Variants in SASH1 observed in about 807,000 individuals in gnomAD.
The protein encoded by SASH1 is SAM and SH3 domain containing 1.
In SASH1, 44 loss-of-function variants were observed where a neutral mutation model predicts 125.2. That is an observed-to-expected ratio of 0.35 (90% CI 0.28 to 0.45). The LOEUF is 0.45. Ranked by LOEUF, SASH1 falls within the 20% of genes least tolerant of loss-of-function variation. The pLI is 1.00. For synonymous variants in SASH1, 639 were observed against 649.1 expected (o/e 0.98, Z 0.24); for missense variants, 1,426 against 1,614.5 (o/e 0.88, Z 2.00).
intron 10 of SASH1, 60 bp from the exon 11 acceptor site, chr6:148,525,231 T>C (rs550310244): frequency 4.8e-6 from 6 of 1,243,634 alleles, no homozygotes; most frequent in African/African-American, 1.5e-5. Context: ...GCTGGGTTGG[T>C]GCACTGCCGG....
chr6:148,259,824 A>G, the SASH1 span, among the ~76,000 whole-genome samples: 1 of 152,150 alleles, frequency 6.6e-6, no homozygotes, highest in East Asian at 1.9e-4. Flanking sequence ...TTTAAAACTA[A>G]GGTGATTTTT....
chr6:148,237,183 AT>A, the SASH1 span, among the ~76,000 whole-genome samples: 594 of 146,904 alleles, frequency 4.0e-3, no homozygotes, highest in East Asian at 8.3e-3. Context: ...TTTTATCTGC[AT>A]TTTTTTTTTT....
the SASH1 span, among the ~76,000 whole-genome samples, chr6:148,215,749 A>C: frequency 6.6e-6 from 1 of 152,322 alleles, no homozygotes; most frequent in Admixed American, 6.5e-5. Flanking sequence ...CTGTAAAATC[A>C]GAGTCAACTT....
chr6:148,242,371 C>T, the SASH1 span, among the ~76,000 whole-genome samples: 45 of 152,296 alleles, frequency 3.0e-4, no homozygotes, highest in East Asian at 8.5e-3. Context: ...TGGCAAGGCA[C>T]TTTACGAGAC....
In SASH1 at chr6:148,453,098, G is replaced by A. The variant is rs532255336; in HGVS notation, c.386+12691G>A. On this transcript the variant is annotated intron_variant, in intron 4 of 19. Coordinates refer to ENST00000367467, the MANE Select transcript of SASH1 (RefSeq NM_015278.5). ...TCAGCTGTTCCCAACTGGAAACTCC[G>A]TTGCCCTTCCCTCTGTCTGGCGAGT... is the stretch of plus-strand genomic sequence containing the variant. Among the ~76,000 whole-genome samples the A allele has an allele frequency of 8.5e-5, 13 of 152,272 alleles. No individual in the cohort carries two copies. The South Asian group carries it at 1.0e-3, about 12-fold the overall frequency.
chr6:148,309,127 C>T (rs1027977035), intron 1 of SASH1, among the ~76,000 whole-genome samples: 3 of 150,260 alleles, frequency 2.0e-5, no homozygotes, highest in African/African-American at 7.3e-5. Flanking sequence ...TAAATGGTCC[C>T]ATCAGGAATG....
intron 2 of SASH1, among the ~76,000 whole-genome samples, chr6:148,417,387 C>A (rs1010270354): frequency 6.6e-6 from 1 of 152,048 alleles, no homozygotes; most frequent in Non-Finnish European, 1.5e-5. Context: ...GAGATTGAGA[C>A]CATCCTGGCC....
rs117378888 is a variant in SASH1 at position 148,310,610 on chromosome 6, A to G, written n.74+38233A>G. On this transcript the variant is annotated intron_variant and non_coding_transcript_variant, in intron 1 of 3. Transcript: ENST00000367469. ...TGAGAAGGCAACCACACACTGAGAGAAAATATTTGCAAAGTATGTATTTGA... is the reference window on the plus strand; with the variant it reads ...TGAGAAGGCAACCACACACTGAGAGGAAATATTTGCAAAGTATGTATTTGA... 4.6e-5 allele frequency among the ~76,000 whole-genome samples: 7 copies of G among 152,266 alleles called. No homozygotes were observed. The East Asian group carries it at 1.4e-3, about 29-fold the overall frequency.
chr6:148,304,562 A>G (rs1405914558), intron 1 of SASH1, among the ~76,000 whole-genome samples: 1 of 152,140 alleles, frequency 6.6e-6, no homozygotes, highest in Admixed American at 6.6e-5. Flanking sequence ...GTGAGCCGAG[A>G]CCACGCCACT....
chr6:148,405,958 T>C (rs1033756393), intron 2 of SASH1, among the ~76,000 whole-genome samples: 1 of 152,202 alleles, frequency 6.6e-6, no homozygotes, highest in African/African-American at 2.4e-5. Context: ...ATCTTTGGAC[T>C]CCAGTTCTTG....
At chr6:148,210,765 C>A in the SASH1 span, among the ~76,000 whole-genome samples, 1 of 152,184 alleles carries the variant, frequency 6.6e-6, no homozygotes, top group African/African-American at 2.4e-5. Context: ...TCTGCTTGAA[C>A]CCAAGGGAAT....
At chr6:148,243,268 T>C in the SASH1 span, among the ~76,000 whole-genome samples, 1 of 151,906 alleles carries the variant, frequency 6.6e-6, no homozygotes, top group Non-Finnish European at 1.5e-5. Flanking sequence ...CTGACCAACA[T>C]GGAGAAACCC....
chr6:148,522,253 T>C (rs1780862221), intron 10 of SASH1, among the ~76,000 whole-genome samples: 1 of 152,240 alleles, frequency 6.6e-6, no homozygotes, highest in Non-Finnish European at 1.5e-5. Context: ...CATATTCCTT[T>C]TCTTGTAGTA....
intron 1 of SASH1, among the ~76,000 whole-genome samples, chr6:148,374,704 TG>T (rs369754560): frequency 0.11 from 13,229 of 125,540 alleles, 777 homozygotes; most frequent in African/African-American, 0.19. Flanking sequence ...GCATTTTTTT[TG>T]GGGGGGGGGG....
At chr6:148,525,717 C>CA (rs34935361) in intron 11 of SASH1, among the ~76,000 whole-genome samples, 10,244 of 152,302 alleles carry the variant, frequency 0.067, 499 homozygotes, top group East Asian at 0.26. Context: ...AACTACTACA[C>CA]ACACATAGTG....
the SASH1 span, among the ~76,000 whole-genome samples, chr6:148,249,043 A>G: frequency 6.6e-6 from 1 of 152,144 alleles, no homozygotes; most frequent in Non-Finnish European, 1.5e-5. Flanking sequence ...AACCTGGCTC[A>G]CAGTGAATGT....
At chr6:148,491,389 T>G (rs944988136) in intron 8 of SASH1, among the ~76,000 whole-genome samples, 4 of 152,064 alleles carry the variant, frequency 2.6e-5, no homozygotes, top group Non-Finnish European at 4.4e-5. Context: ...CCTGCCTCAG[T>G]GTCCCGATTA....
At chr6:148,370,842 C>G (rs1473804242) in intron 1 of SASH1, among the ~76,000 whole-genome samples, 1 of 151,304 alleles carries the variant, frequency 6.6e-6, no homozygotes, top group Non-Finnish European at 1.5e-5. Flanking sequence ...AAAGACAAAA[C>G]AAAAAAACCC....
chr6:148,296,966 T>A (rs1779782085), intron 1 of SASH1, among the ~76,000 whole-genome samples: 1 of 152,248 alleles, frequency 6.6e-6, no homozygotes, highest in Admixed American at 6.5e-5. Flanking sequence ...CAGCTGTGGA[T>A]GCTTTTCCTC....
Sources: gnomAD v4.1 joint callset for allele counts (sites outside exome capture counted in the v4.1 genomes callset) on GRCh38, gnomAD v4.1.1 for gene constraint, MANE v1.5 for transcripts, NCBI Gene and HGNC (gene_info 2026-07-23, HGNC 2026-07-21) for gene names.